The following GPHN variants were observed in gnomAD, a reference collection of about 807,000 sequenced individuals.
The protein encoded by GPHN is gephyrin.
GPHN carries 17 observed loss-of-function variants against 95.5 expected under a neutral mutation model. The ratio of observed to expected loss-of-function variants is 0.18; its 90% CI spans 0.12 to 0.27. The LOEUF (loss-of-function observed/expected upper bound fraction) is 0.27. GPHN is among the 10% of genes least tolerant of loss of function. GPHN has a pLI of 1.00. For synonymous variants in GPHN, 320 were observed against 322.5 expected, an observed-to-expected ratio of 0.99 and a Z score of 0.08; for missense variants, 660 against 978.1, an observed-to-expected ratio of 0.67 and a Z score of 4.34.
chr14:66,666,514 G>T (rs1447223442), intron 1 of GPHN, among the ~76,000 whole-genome samples: 1 of 151,858 alleles, frequency 6.6e-6, no homozygotes, highest in Non-Finnish European at 1.5e-5. Flanking sequence ...CACATAAACA[G>T]AACTAAAGAC....
the GPHN span, chr14:67,321,054 T>C: frequency 3.1e-6 from 5 of 1,613,876 alleles, no homozygotes; most frequent in African/African-American, 6.7e-5. Context: ...TTTGTTTGCC[T>C]AGATACAACC....
At chr14:67,513,333 T>A in the GPHN span, among the ~76,000 whole-genome samples, 3 of 152,178 alleles carry the variant, frequency 2.0e-5, no homozygotes, top group African/African-American at 7.2e-5. Flanking sequence ...TCCATAGAAG[T>A]GGGCCTAGCT....
chr14:67,397,199 A>C, the GPHN span, among the ~76,000 whole-genome samples: 234 of 152,320 alleles, frequency 1.5e-3, no homozygotes, highest in African/African-American at 5.3e-3. Context: ...TCGGCCTCCC[A>C]AAGTGTTGGG....
intron 1 of GPHN, among the ~76,000 whole-genome samples, chr14:66,598,154 A>C (rs1325850141): frequency 6.6e-6 from 1 of 152,192 alleles, no homozygotes; most frequent in Non-Finnish European, 1.5e-5. Flanking sequence ...GATGTTGGTT[A>C]AAAGACAGAA....
chr14:66,928,809 G>A (rs979425388), intron 8 of GPHN, among the ~76,000 whole-genome samples: 17 of 151,948 alleles, frequency 1.1e-4, no homozygotes, highest in South Asian at 2.1e-4. Flanking sequence ...TTTAATTTCC[G>A]TATGTTTGTA....
At chr14:66,635,982 AAAAAAG>A (rs1333338824) in intron 1 of GPHN, among the ~76,000 whole-genome samples, 4 of 152,144 alleles carry the variant, frequency 2.6e-5, no homozygotes, top group Non-Finnish European at 4.4e-5. Context: ...ACTAAAGAAA[AAAAAAG>A]AAAAAGAAAA....
chr14:67,625,747 A>G, the GPHN span, among the ~76,000 whole-genome samples: 2 of 150,476 alleles, frequency 1.3e-5, no homozygotes, highest in East Asian at 2.2e-4. Flanking sequence ...AAAAAAAAAA[A>G]AGAGAAAAGG....
At chr14:66,815,430 C>T (rs1308590215) in intron 3 of GPHN, among the ~76,000 whole-genome samples, 5 of 152,158 alleles carry the variant, frequency 3.3e-5, no homozygotes. Flanking sequence ...GGTCAGGTCA[C>T]CTACAAAGGG....
chr14:67,422,341 C>T, the GPHN span, among the ~76,000 whole-genome samples: 2 of 152,100 alleles, frequency 1.3e-5, no homozygotes, highest in Non-Finnish European at 2.9e-5. Flanking sequence ...CTGTCTTCTG[C>T]CCCCTGACCA....
At chr14:66,534,177 A>G (rs893696201) in intron 1 of GPHN, among the ~76,000 whole-genome samples, 1 of 152,206 alleles carries the variant, frequency 6.6e-6, no homozygotes, top group Non-Finnish European at 1.5e-5. Context: ...TGTTAATTGT[A>G]TAGCATGGTG....
chr14:67,605,329 A>G, the GPHN span, among the ~76,000 whole-genome samples: 1 of 152,112 alleles, frequency 6.6e-6, no homozygotes, highest in African/African-American at 2.4e-5. Context: ...TAAATGATGT[A>G]CATTAAAAAT....
intron 3 of GPHN, among the ~76,000 whole-genome samples, chr14:66,814,007 A>G (rs890736137): frequency 2.6e-5 from 4 of 152,076 alleles, no homozygotes; most frequent in Non-Finnish European, 5.9e-5. Context: ...TCCTAGACCC[A>G]TGGCACTCCC....
the GPHN span, among the ~76,000 whole-genome samples, chr14:67,608,033 T>C: frequency 6.6e-6 from 1 of 151,868 alleles, no homozygotes; most frequent in Non-Finnish European, 1.5e-5. Flanking sequence ...GCCCGAGAGT[T>C]TGAGACCAGC....
chr14:66,681,856 AAT>A (rs1159691829), intron 2 of GPHN, among the ~76,000 whole-genome samples: 1 of 152,226 alleles, frequency 6.6e-6, no homozygotes, highest in East Asian at 1.9e-4. Context: ...ATTAAAAAAA[AAT>A]AATTAAAACT....
In GPHN at chr14:66,891,503, C is replaced by A. The variant is rs1007731188; in HGVS notation, c.389+11470C>A. On this transcript the variant is annotated intron_variant, in intron 5 of 22. Coordinates refer to ENST00000478722, the MANE Select transcript of GPHN (RefSeq NM_020806.5). ...ATATAAAAATTAATTCAAAATGGAT[C>A]AAAGACCTGTACACAAGAGCTGAAA... is the stretch of plus-strand genomic sequence containing the variant. 6.6e-5 allele frequency among the ~76,000 whole-genome samples: 10 copies of A among 151,956 alleles called. 1 individual carries two copies. Among genetic ancestry groups the A allele is most frequent in the South Asian group, 2.1e-4 (1 of 4,814 alleles).
chr14:67,263,898 A>G, the GPHN span, among the ~76,000 whole-genome samples: 37 of 152,046 alleles, frequency 2.4e-4, no homozygotes, highest in Non-Finnish European at 4.3e-4. Context: ...AATTCTTTCT[A>G]TTTTTTTAGA....
At chr14:67,199,841 A>T in the GPHN span, 1 of 1,497,362 alleles carries the variant, frequency 6.7e-7, no homozygotes, top group Non-Finnish European at 9.0e-7. Context: ...ACCCCCAGCC[A>T]TGCCCCACCA....
the GPHN span, among the ~76,000 whole-genome samples, chr14:67,567,999 C>T: frequency 6.6e-6 from 1 of 152,166 alleles, no homozygotes; most frequent in Non-Finnish European, 1.5e-5. Flanking sequence ...ACCCAGGGGC[C>T]CCCTCAGGAC....
At chr14:67,541,908 G>A in the GPHN span, 3 of 1,604,882 alleles carry the variant, frequency 1.9e-6, no homozygotes, top group East Asian at 2.2e-5. Context: ...AGCGTAGACT[G>A]GCAGAAACGC....
Sources: allele counts gnomAD v4.1 joint callset (sites outside exome capture counted in the v4.1 genomes callset), GRCh38; gene constraint gnomAD v4.1.1; transcripts MANE v1.5; gene names NCBI Gene and HGNC (gene_info 2026-07-23, HGNC 2026-07-21).